GLI3: variants seen among roughly 807,000 people sequenced by gnomAD.
The protein encoded by GLI3 is transcription activator GLI3.
GLI3 carries 20 observed loss-of-function variants against 100.8 expected under a neutral mutation model. That is an observed-to-expected ratio of 0.20 (90% CI 0.14 to 0.29). The LOEUF is 0.29. GLI3 is among the 10% of genes least tolerant of loss of function. The pLI, the probability that GLI3 is intolerant of heterozygous loss-of-function variation, is 1.00. For missense variants in GLI3, 2,040 were observed against 2,128.5 expected (o/e 0.96, Z 0.82); for synonymous variants, 938 against 860.5 (o/e 1.09, Z -1.58).
chr7:42,134,245 G>A (rs533066225), intron 3 of GLI3, among the ~76,000 whole-genome samples: 2 of 152,138 alleles, frequency 1.3e-5, no homozygotes, highest in South Asian at 2.1e-4. Flanking sequence ...TGATGTCTGC[G>A]CTCCCAGACA....
At chr7:41,971,330 CT>C (rs1213691831) in intron 13 of GLI3, among the ~76,000 whole-genome samples, 4 of 152,236 alleles carry the variant, frequency 2.6e-5, no homozygotes, top group Non-Finnish European at 5.9e-5. Context: ...CTCTGGTACA[CT>C]TCCTTCACAG....
intron 3 of GLI3, among the ~76,000 whole-genome samples, chr7:42,089,939 C>T (rs1785182097): frequency 1.3e-5 from 2 of 152,106 alleles, no homozygotes; most frequent in South Asian, 4.1e-4. Context: ...TCATGGAGTG[C>T]ACTTACACAC....
rs1787018394 is a variant in GLI3 at position 41,961,728 on chromosome 7, T to C, written c.*2602A>G. ...GAGGCTGGGGGTGAGTCTCAAGATA[T>C]GAGATGCCTAGCCTACAGAGATCCC... On this transcript the variant is annotated 3_prime_UTR_variant, in exon 15 of 15. Coordinates refer to ENST00000395925, the MANE Select transcript of GLI3 (RefSeq NM_000168.6). 1.3e-5 allele frequency: 2 copies of C among 152,194 alleles called. No homozygotes were observed. Among genetic ancestry groups the C allele is most frequent in the Middle Eastern group, 3.4e-3 (1 of 294 alleles). 9.4% of individuals were successfully genotyped at this position (152,194 alleles called of 1,614,324 possible). A position where few individuals can be genotyped will look rare whatever the true frequency, so the allele number is the denominator to read the frequency against.
chr7:42,066,496 C>T (rs1784677470), intron 4 of GLI3, among the ~76,000 whole-genome samples: 1 of 152,156 alleles, frequency 6.6e-6, no homozygotes, highest in African/African-American at 2.4e-5. Context: ...AAATATGGTG[C>T]AGTGCATCTC....
intron 4 of GLI3, among the ~76,000 whole-genome samples, chr7:42,056,351 G>A (rs916233178): frequency 3.9e-5 from 6 of 152,182 alleles, no homozygotes; most frequent in African/African-American, 1.4e-4. Flanking sequence ...CAAAAGAAGT[G>A]TGTATGAGTA....
chr7:42,160,188 T>C (rs1787099212), intron 2 of GLI3, among the ~76,000 whole-genome samples: 1 of 152,196 alleles, frequency 6.6e-6, no homozygotes, highest in Non-Finnish European at 1.5e-5. Flanking sequence ...TTATGAAAGC[T>C]AGGTACTATC....
intron 3 of GLI3, among the ~76,000 whole-genome samples, chr7:42,093,861 G>A (rs776542350): frequency 2.6e-5 from 4 of 152,034 alleles, no homozygotes; most frequent in Admixed American, 2.0e-4. Flanking sequence ...TCCAAAGCCA[G>A]AGGTCCTCAG....
At chr7:42,007,074 C>T (rs751010556) in intron 10 of GLI3, among the ~76,000 whole-genome samples, 4 of 151,794 alleles carry the variant, frequency 2.6e-5, no homozygotes, top group African/African-American at 4.8e-5. Context: ...CAAAAGGAAA[C>T]GTTCATTCTT....
intron 7 of GLI3, among the ~76,000 whole-genome samples, chr7:42,032,087 A>C (rs1277797800): frequency 6.6e-6 from 1 of 152,174 alleles, no homozygotes; most frequent in Non-Finnish European, 1.5e-5. Context: ...GAATCTCAAA[A>C]ACTATACCCA....
intron 3 of GLI3, among the ~76,000 whole-genome samples, chr7:42,136,994 C>T (rs561140396): frequency 1.3e-5 from 2 of 152,312 alleles, no homozygotes; most frequent in African/African-American, 4.8e-5. Flanking sequence ...GCCAATAAAC[C>T]GGGTTCAAAC....
At chr7:42,025,410 A>G in intron 8 of GLI3, 33 bp from the exon 9 acceptor site, 2 of 1,496,550 alleles carry the variant, frequency 1.3e-6, no homozygotes, top group Non-Finnish European at 1.9e-6. Context: ...CAGAGACAAA[A>G]AGATTTTCAT....
chr7:42,111,416 T>C (rs1274537419), intron 3 of GLI3, among the ~76,000 whole-genome samples: 1 of 152,128 alleles, frequency 6.6e-6, no homozygotes, highest in Non-Finnish European at 1.5e-5. Context: ...AGCTATGGTC[T>C]GAGCAGGAAG....
intron 2 of GLI3, among the ~76,000 whole-genome samples, chr7:42,155,759 G>C (rs995543142): frequency 6.6e-6 from 1 of 152,176 alleles, no homozygotes; most frequent in Non-Finnish European, 1.5e-5. Flanking sequence ...TGTAAAACCT[G>C]AAATGGCTGT....
At position 42,117,843 on chromosome 7, in the gene GLI3, T is replaced by C. The variant is rs191117813; in HGVS notation, c.367+30383A>G. Among the ~76,000 whole-genome samples the C allele has an allele frequency of 3.5e-4, 54 of 152,280 alleles. 1 individual carries two copies. The highest frequency in any genetic ancestry group is 1.1e-3 in the African/African-American group (46 of 41,556). On this transcript the variant is annotated intron_variant, in intron 3 of 14. Coordinates refer to ENST00000395925, the MANE Select transcript of GLI3 (RefSeq NM_000168.6). ...TTTGAAAGAAAACCCAGCTCGAGGC[T>C]TTCCCACCCTACATATCACTGCAGA...
At chr7:41,977,521 T>C in intron 12 of GLI3, 37 bp downstream of exon 12, 5 of 1,607,760 alleles carry the variant, frequency 3.1e-6, no homozygotes, top group East Asian at 4.5e-5. Flanking sequence ...GTTCTTTGTT[T>C]CCTTATGCAA....
At chr7:42,220,776 T>C (rs756941727) in intron 2 of GLI3, among the ~76,000 whole-genome samples, 6 of 152,274 alleles carry the variant, frequency 3.9e-5, no homozygotes, top group African/African-American at 1.4e-4. Flanking sequence ...AATCTGCCTG[T>C]CGGCTTGCAA....
chr7:42,259,690 C>CT (rs1045500914), intron 1 of GLI3, among the ~76,000 whole-genome samples: 3 of 152,088 alleles, frequency 2.0e-5, no homozygotes, highest in African/African-American at 4.8e-5. Context: ...GAGATCATGT[C>CT]TTTTTTGATA....
chr7:42,216,290 G>A (rs1048458581), intron 2 of GLI3, among the ~76,000 whole-genome samples: 1 of 152,202 alleles, frequency 6.6e-6, no homozygotes, highest in Non-Finnish European at 1.5e-5. Context: ...GAAAAACCAG[G>A]TGCTACTCTC....
chr7:42,168,121 A>G (rs978671993), intron 2 of GLI3, among the ~76,000 whole-genome samples: 1 of 152,264 alleles, frequency 6.6e-6, no homozygotes, highest in Non-Finnish European at 1.5e-5. Context: ...GACATAAGAC[A>G]TAATTCTTCA....
Sources: gnomAD v4.1 joint callset for allele counts (sites outside exome capture counted in the v4.1 genomes callset) on GRCh38, gnomAD v4.1.1 for gene constraint, MANE v1.5 for transcripts, NCBI Gene and HGNC (gene_info 2026-07-23, HGNC 2026-07-21) for gene names.